The following DHRS3 variants were observed in gnomAD, a reference collection of about 807,000 sequenced individuals.
DHRS3 encodes dehydrogenase/reductase 3, also known as short-chain dehydrogenase/reductase 3.
DHRS3 carries 14 observed loss-of-function variants against 27.2 expected under a neutral mutation model. That is an observed-to-expected ratio of 0.52 (90% CI 0.34 to 0.81). The LOEUF (loss-of-function observed/expected upper bound fraction) is 0.81, where lower values mean the gene tolerates loss of function less well. Among genes scored for constraint, DHRS3 ranks in the 30% least tolerant of loss-of-function variants. The pLI is 0.01. For missense variants in DHRS3, 322 were observed against 406.2 expected (o/e 0.79, Z 1.78); for synonymous variants, 165 against 175.9 (o/e 0.94, Z 0.49).
intron 1 of DHRS3, among the ~76,000 whole-genome samples, chr1:12,585,938 G>A (rs1419818794): frequency 2.0e-5 from 3 of 152,208 alleles, no homozygotes; most frequent in Non-Finnish European, 4.4e-5. Context: ...AAGGCCAGAG[G>A]CCTGGAATTT....
intron 4 of DHRS3, among the ~76,000 whole-genome samples, chr1:12,573,941 C>A (rs1229424184): frequency 1.3e-5 from 2 of 152,196 alleles, no homozygotes; most frequent in Non-Finnish European, 1.5e-5. Flanking sequence ...TCCTGCCCTT[C>A]CTGGATCTAT....
At chr1:12,599,130 T>C (rs1301077682) in intron 1 of DHRS3, among the ~76,000 whole-genome samples, 1 of 152,236 alleles carries the variant, frequency 6.6e-6, no homozygotes, top group Admixed American at 6.5e-5. Flanking sequence ...AGGCTATTAA[T>C]TAGGAATCGG....
intron 1 of DHRS3, among the ~76,000 whole-genome samples, chr1:12,581,194 T>C (rs1248674393): frequency 6.6e-6 from 1 of 152,236 alleles, no homozygotes; most frequent in Non-Finnish European, 1.5e-5. Context: ...AGCCCACTTA[T>C]GATCAATCAA....
Position 12,578,790 on chromosome 1 carries a change from C to T in DHRS3, c.626G>A (p.Cys209Tyr), listed in dbSNP as rs1298913733. The part of the protein sequence containing the change: ...MESLTLGLLD[C>Y]PGVSATTVLP... ...CACTGTGGTGGCGCTGACTCCCGGA[C>T]AGTCCAGCAGCCCCAGGGTCAGGCT... Residue 209 changes from cysteine to tyrosine, a missense_variant, in exon 4 of 6, where the codon TGT becomes TAT. By Grantham distance (194) the Cys-to-Tyr change is radical (BLOSUM62 -2). Transcript: ENST00000616661. This position sits in a 1 kb window ranked among gnomAD's most constrained non-coding sequence, Gnocchi z 4.5. The T allele has an allele frequency of 6.2e-7, 1 of 1,614,102 alleles. No individual in the cohort carries two copies. Among genetic ancestry groups the T allele is most frequent in the African/African-American group, 1.3e-5 (1 of 75,056 alleles).
In DHRS3 at chr1:12,574,773, G is replaced by T. The variant is rs1287370470; in HGVS notation, c.699-1920C>A. ...CAGGATTTTCTCCTTCCTCTCCACG[G>T]TGTGTGGGATGGGGACACGGGGAAC... On this transcript the variant is annotated intron_variant, in intron 4 of 5. Coordinates refer to ENST00000616661, the MANE Select transcript of DHRS3 (RefSeq NM_004753.7). This position sits in a 1 kb window ranked among gnomAD's most constrained non-coding sequence, Gnocchi z 4.6. Among the ~76,000 whole-genome samples the T allele has an allele frequency of 6.6e-6, 1 of 152,242 alleles. No individual in the cohort carries two copies. The highest frequency in any genetic ancestry group is 1.5e-5 in the Non-Finnish European group (1 of 68,046).
At chr1:12,607,226 C>T (rs1311646897) in intron 1 of DHRS3, among the ~76,000 whole-genome samples, 1 of 152,178 alleles carries the variant, frequency 6.6e-6, no homozygotes, top group Admixed American at 6.5e-5. Context: ...ATCCACTTTA[C>T]AGTCCTGATT....
chr1:12,585,236 A>AT (rs1557520139), intron 1 of DHRS3, among the ~76,000 whole-genome samples: 10 of 91,766 alleles, frequency 1.1e-4, no homozygotes, highest in East Asian at 3.3e-4. Context: ...TGTCTATGTG[A>AT]GTGTGTGTCT....
rs1379631279 is a variant in DHRS3 at position 12,591,137 on chromosome 1, T to A, written c.196-10471A>T. ...CTTCCATCAGCAAGGGGGATCTATA[T>A]CTGTTGCTGTACTAATAAAAATAGT... On this transcript the variant is annotated intron_variant, in intron 1 of 5. Transcript: ENST00000616661. This position sits in a 1 kb window ranked among gnomAD's most constrained non-coding sequence, Gnocchi z 4.1. Among the ~76,000 whole-genome samples, 1 of 152,232 alleles carries A rather than the reference T, an allele frequency of 6.6e-6. No homozygotes were observed. The highest frequency in any genetic ancestry group is 1.5e-5 in the Non-Finnish European group (1 of 68,036).
At chr1:12,573,237 T>G (rs1646555234) in intron 4 of DHRS3, among the ~76,000 whole-genome samples, 1 of 152,186 alleles carries the variant, frequency 6.6e-6, no homozygotes, top group South Asian at 2.1e-4. Flanking sequence ...TCTTGTCACA[T>G]CACATGCTCG....
intron 1 of DHRS3, among the ~76,000 whole-genome samples, chr1:12,604,766 G>T (rs2100714305): frequency 6.6e-6 from 1 of 152,318 alleles, no homozygotes; most frequent in African/African-American, 2.4e-5. Flanking sequence ...AATGCGTGCT[G>T]CTGGCCGGGT....
rs972484934 is a variant in DHRS3 at position 12,617,902 on chromosome 1, C to T, written c.-554G>A. Among the ~76,000 whole-genome samples the T allele has an allele frequency of 2.4e-5, 3 of 124,062 alleles. No homozygotes were observed. The highest frequency in any genetic ancestry group is 9.5e-5 in the Admixed American group (1 of 10,544). The allele number at this position is 124,062 out of a possible 152,430, so 81.4% of individuals were successfully genotyped here. On this transcript the variant is annotated 5_prime_UTR_variant, in exon 1 of 6. Transcript: ENST00000616661. ...AAGTGGGGGGAAAAAGTGCTTGGAG[C>T]TCCCAATTTCAGCCCGCGAAAGTCT...
chr1:12,612,633 G>A (rs74055588), intron 1 of DHRS3, among the ~76,000 whole-genome samples: 114 of 152,232 alleles, frequency 7.5e-4, no homozygotes, highest in African/African-American at 2.4e-3. Flanking sequence ...CAAACTTCAC[G>A]CCCATCCAGA....
At chr1:12,580,737 AATTCAGG>A (rs1367238886) in intron 1 of DHRS3, 71 bp from the exon 2 acceptor site, 11 of 1,534,192 alleles carry the variant, frequency 7.2e-6, no homozygotes, top group Non-Finnish European at 9.7e-6. Context: ...TGCCACCAGA[AATTCAGG>A]ATTTAAAGTC....
chr1:12,612,278 C>T (rs544945543), intron 1 of DHRS3, among the ~76,000 whole-genome samples: 1 of 152,270 alleles, frequency 6.6e-6, no homozygotes, highest in South Asian at 2.1e-4. Flanking sequence ...ACTCTAGGGA[C>T]CCACAGATGA....
rs12132158 is a variant in DHRS3 at position 12,574,008 on chromosome 1, C to T, written c.699-1155G>A. ...CCAATCCCACAAAGAGCTTGTGATC[C>T]GCTCTGGCACCAGGAAGATTAAGGG... On this transcript the variant is annotated intron_variant, in intron 4 of 5. Transcript: ENST00000616661. This position sits in a 1 kb window ranked among gnomAD's most constrained non-coding sequence, Gnocchi z 4.6. Among the ~76,000 whole-genome samples the T allele has an allele frequency of 0.016, 2,416 of 152,222 alleles. 23 individuals are homozygous for T. Among genetic ancestry groups the T allele is most frequent in the Middle Eastern group, 0.044 (13 of 294 alleles).
intron 1 of DHRS3, among the ~76,000 whole-genome samples, chr1:12,614,755 G>A (rs11589038): frequency 0.85 from 123,343 of 145,524 alleles, 52,596 homozygotes; most frequent in African/African-American, 0.97. Context: ...CCCAGATCCA[G>A]TCCCACCAGA....
rs1267380580 is a variant in DHRS3, at chr1:12,618,102, G to A, written c.-754C>T. ...TCCCTCTCTGTTCCAGCAGAGGCTG[G>A]GAGTTGCCGCTCGATCCAGCTCCCC... On this transcript the variant is annotated 5_prime_UTR_variant, in exon 1 of 6. Coordinates refer to ENST00000616661, the MANE Select transcript of DHRS3 (RefSeq NM_004753.7). The surrounding 1 kb of genome is among the most constrained non-coding windows in gnomAD (Gnocchi z 4.2). Among the ~76,000 whole-genome samples, 1 of 152,036 alleles carries A rather than the reference G, an allele frequency of 6.6e-6. No individual in the cohort carries two copies. The highest frequency in any genetic ancestry group is 1.9e-4 in the East Asian group (1 of 5,158).
At chr1:12,611,338 G>GA (rs141447612) in intron 1 of DHRS3, among the ~76,000 whole-genome samples, 7 of 152,152 alleles carry the variant, frequency 4.6e-5, no homozygotes, top group African/African-American at 1.2e-4. Context: ...GAATTTAGAA[G>GA]AAAAAAACCA....
rs968575684 is a variant in DHRS3 at position 12,591,494 on chromosome 1, G to A, written c.196-10828C>T. ...GTCGCCCTCCCACAAGTCCCTGACC[G>A]CAACCTGGAGCAGGGCAGAGACTTC... On this transcript the variant is annotated intron_variant, in intron 1 of 5. Transcript: ENST00000616661. The surrounding 1 kb of genome is among the most constrained non-coding windows in gnomAD (Gnocchi z 4.1). Among the ~76,000 whole-genome samples, 5 of 152,214 alleles carry A rather than the reference G, an allele frequency of 3.3e-5. No individual in the cohort carries two copies. The highest frequency in any genetic ancestry group is 1.2e-4 in the African/African-American group (5 of 41,452).
Sources: gnomAD v4.1 joint callset for allele counts (sites outside exome capture counted in the v4.1 genomes callset) on GRCh38, gnomAD v4.1.1 for gene constraint, Gnocchi (gnomAD v3.1) non-coding constraint, MANE v1.5 for transcripts, NCBI Gene and HGNC (gene_info 2026-07-23, HGNC 2026-07-21) for gene names.